Variants in UBE4B observed in about 807,000 individuals in gnomAD.
UBE4B encodes ubiquitin conjugation factor E4 B.
Under a neutral mutation model 148.1 loss-of-function variants are expected in UBE4B, and 27 were observed. That is an observed-to-expected ratio of 0.18 (90% CI 0.13 to 0.25). UBE4B has a LOEUF of 0.25. UBE4B is among the 10% of genes least tolerant of loss of function. UBE4B has a pLI of 1.00. For missense variants in UBE4B, 1,170 were observed against 1,662.4 expected (o/e 0.70, Z 5.15); for synonymous variants, 596 against 619.3 (o/e 0.96, Z 0.56).
At chr1:10,073,984 G>A (rs996734327) in intron 2 of UBE4B, among the ~76,000 whole-genome samples, 2 of 146,020 alleles carry the variant, frequency 1.4e-5, no homozygotes, top group Admixed American at 7.0e-5. Flanking sequence ...CTGGAGCATG[G>A]TGGCTGTTCA....
chr1:10,119,605 A>G lies in UBE4B; in HGVS notation c.1431A>G (p.Thr477=). 6.2e-7 allele frequency: 1 copy of G among 1,612,844 alleles called. No individual in the cohort carries two copies. Among genetic ancestry groups the G allele is most frequent in the Non-Finnish European group, 8.5e-7 (1 of 1,179,160 alleles). The change falls in exon 9 of 28, where the codon ACA becomes ACG. Residue 477 remains threonine (T), a synonymous_variant. Coordinates refer to ENST00000343090, the MANE Select transcript of UBE4B (RefSeq NM_001105562.3). ...HTALVLQGSL[T]QPRSLQQPSF... is the part of the protein sequence containing the mutation. Reference sequence around the variant, plus strand: ...CTTTAGTACTACAAGGCTCCCTAACACAGCCCAGGTATGAAGACCCGTGAC... The same window carrying G: ...CTTTAGTACTACAAGGCTCCCTAACGCAGCCCAGGTATGAAGACCCGTGAC...
chr1:10,126,266 C>G (rs1016469211), intron 10 of UBE4B, among the ~76,000 whole-genome samples: 2 of 151,982 alleles, frequency 1.3e-5, no homozygotes, highest in African/African-American at 4.8e-5. Flanking sequence ...TGCCATTGCA[C>G]TCCAGTCTGG....
chr1:10,168,033 A>G lies in UBE4B; in HGVS notation c.3199-103A>G. 7.3e-7 allele frequency: 1 copy of G among 1,377,800 alleles called. No individual in the cohort carries two copies. Among genetic ancestry groups the G allele is most frequent in the Non-Finnish European group, 9.6e-7 (1 of 1,044,910 alleles). The allele number at this position is 1,377,800 out of a possible 1,614,324, so 85.3% of individuals were successfully genotyped here. ...TGGCAGGCGGTTCTGTCATTCCCTAAGCATGTTGGGTTTATCACGCACTTT... is the reference window on the plus strand; with the variant it reads ...TGGCAGGCGGTTCTGTCATTCCCTAGGCATGTTGGGTTTATCACGCACTTT... On this transcript the variant is annotated intron_variant, in intron 23 of 27. Transcript: ENST00000343090. This position sits in a 1 kb window ranked among gnomAD's most constrained non-coding sequence, Gnocchi z 4.9.
intron 25 of UBE4B, among the ~76,000 whole-genome samples, chr1:10,178,132 A>G (rs1646453930): frequency 1.3e-5 from 2 of 152,130 alleles, no homozygotes; most frequent in African/African-American, 4.8e-5. Context: ...GAGCTTGAAG[A>G]AGCTTGAAAG....
At chr1:10,175,608 G>T (rs546890853) in intron 25 of UBE4B, among the ~76,000 whole-genome samples, 5 of 151,700 alleles carry the variant, frequency 3.3e-5, no homozygotes, top group Admixed American at 3.3e-4. Flanking sequence ...CCGAGATCGC[G>T]CCACTGCACT....
intron 21 of UBE4B, among the ~76,000 whole-genome samples, chr1:10,157,776 A>C (rs1277548199): frequency 2.0e-5 from 3 of 152,016 alleles, no homozygotes; most frequent in Non-Finnish European, 4.4e-5. Flanking sequence ...ACTCTGTCTC[A>C]AAAATAATAA....
intron 9 of UBE4B, among the ~76,000 whole-genome samples, chr1:10,121,633 A>T (rs1645413068): frequency 2.0e-5 from 3 of 151,898 alleles, no homozygotes. Flanking sequence ...GCCTCAAGTG[A>T]TCCTCCCACC....
chr1:10,095,927 A>G (rs1256094820), intron 3 of UBE4B, among the ~76,000 whole-genome samples: 1 of 152,008 alleles, frequency 6.6e-6, no homozygotes, highest in Non-Finnish European at 1.5e-5. Flanking sequence ...GTGTGCCACC[A>G]TGCCTGGCTA....
chr1:10,082,771 T>C (rs2101850993), intron 2 of UBE4B, among the ~76,000 whole-genome samples: 1 of 151,884 alleles, frequency 6.6e-6, no homozygotes, highest in East Asian at 1.9e-4. Context: ...AAGCCTCTCA[T>C]GCATTAGGTA....
At chr1:10,120,367 A>C (rs1205336549) in intron 9 of UBE4B, among the ~76,000 whole-genome samples, 1 of 152,174 alleles carries the variant, frequency 6.6e-6, no homozygotes, top group Non-Finnish European at 1.5e-5. Flanking sequence ...CTAAAAATAC[A>C]AAAGACTTAG....
At chr1:10,132,098 C>G (rs1310844190) in intron 14 of UBE4B, among the ~76,000 whole-genome samples, 2 of 152,154 alleles carry the variant, frequency 1.3e-5, no homozygotes, top group Non-Finnish European at 2.9e-5. Context: ...CCACTGCACT[C>G]CAGCCTGGCA....
intron 21 of UBE4B, among the ~76,000 whole-genome samples, chr1:10,154,702 C>A (rs1227833851): frequency 1.3e-5 from 2 of 151,892 alleles, no homozygotes; most frequent in African/African-American, 4.8e-5. Context: ...TTTAGCTGGG[C>A]GTAGTGGTGC....
At chr1:10,094,573 A>C (rs936708349) in intron 2 of UBE4B, among the ~76,000 whole-genome samples, 4 of 151,388 alleles carry the variant, frequency 2.6e-5, no homozygotes, top group African/African-American at 9.7e-5. Flanking sequence ...AGCTGGGACT[A>C]CAGGCGCCCG....
At chr1:10,084,474 A>G (rs917822152) in intron 2 of UBE4B, among the ~76,000 whole-genome samples, 1 of 152,058 alleles carries the variant, frequency 6.6e-6, no homozygotes, top group Non-Finnish European at 1.5e-5. Context: ...TATAACCAGT[A>G]GAGATCGTGC....
chr1:10,151,165 A>G (rs1470417525), intron 20 of UBE4B, among the ~76,000 whole-genome samples, 161 bp from the exon 21 acceptor site: 2 of 151,418 alleles, frequency 1.3e-5, no homozygotes, highest in Non-Finnish European at 3.0e-5. Context: ...TCTGTCTCAA[A>G]AAAAAAAAAA....
chr1:10,106,716 C>T lies in UBE4B; in HGVS notation c.1196+133C>T. On this transcript the variant is annotated intron_variant, in intron 7 of 27. Transcript: ENST00000343090. The surrounding 1 kb of genome is among the most constrained non-coding windows in gnomAD (Gnocchi z 4.2). ...TTGGGTTATTAACCTGTGTGGCTAACTAGTTTGGTAGGCACGTACTCTGAG... is the reference window on the plus strand; with the variant it reads ...TTGGGTTATTAACCTGTGTGGCTAATTAGTTTGGTAGGCACGTACTCTGAG... 8.0e-7 allele frequency: 1 copy of T among 1,245,586 alleles called. No homozygotes were observed. Among genetic ancestry groups the T allele is most frequent in the Non-Finnish European group, 1.1e-6 (1 of 941,906 alleles). 77.2% of individuals were successfully genotyped at this position (1,245,586 alleles called of 1,614,324 possible).
intron 2 of UBE4B, among the ~76,000 whole-genome samples, chr1:10,087,060 A>C (rs949948496): frequency 1.6e-4 from 24 of 152,212 alleles, no homozygotes; most frequent in Admixed American, 6.5e-5. Context: ...TGTTCTTTAC[A>C]GTGGAGTTTG....
intron 1 of UBE4B, chr1:10,059,389 T>C: frequency 5.0e-6 from 1 of 201,782 alleles, no homozygotes; most frequent in Non-Finnish European, 1.1e-5. Flanking sequence ...AGCTCTGCCC[T>C]TTTGGAATGA....
chr1:10,158,903 G>A (rs1646115950), intron 22 of UBE4B, among the ~76,000 whole-genome samples: 1 of 151,876 alleles, frequency 6.6e-6, no homozygotes, highest in African/African-American at 2.4e-5. Flanking sequence ...CTAGCTACTT[G>A]GGAAGCTGAG....
Sources: allele counts gnomAD v4.1 joint callset (sites outside exome capture counted in the v4.1 genomes callset), GRCh38; gene constraint gnomAD v4.1.1; non-coding constraint Gnocchi (gnomAD v3.1); transcripts MANE v1.5; gene names NCBI Gene and HGNC (gene_info 2026-07-23, HGNC 2026-07-21).